The following ASTN2 variants were observed in gnomAD, a reference collection of about 807,000 sequenced individuals.
ASTN2 encodes astrotactin-2.
ASTN2 carries 54 observed loss-of-function variants against 139.8 expected under a neutral mutation model. The ratio of observed to expected loss-of-function variants is 0.39; its 90% CI spans 0.31 to 0.48. The LOEUF is 0.48. ASTN2 is among the 20% of genes least tolerant of loss of function. The pLI is 0.95. For missense variants in ASTN2, 1,565 were observed against 1,725.1 expected (o/e 0.91, Z 1.64); for synonymous variants, 756 against 719.5 (o/e 1.05, Z -0.81).
At chr9:116,515,606 T>C (rs1289702856) in intron 19 of ASTN2, among the ~76,000 whole-genome samples, 1 of 152,204 alleles carries the variant, frequency 6.6e-6, no homozygotes, top group African/African-American at 2.4e-5. Flanking sequence ...GGATACACTC[T>C]ACTTTTGGAC....
chr9:117,277,179 C>CAGT (rs1200264756), intron 2 of ASTN2: 1 of 152,198 alleles, frequency 6.6e-6, no homozygotes, highest in Non-Finnish European at 1.5e-5. Flanking sequence ...CAAGGGCATA[C>CAGT]AGTAGCTGCA....
At chr9:117,111,260 G>A (rs1829241547) in intron 4 of ASTN2, among the ~76,000 whole-genome samples, 1 of 152,206 alleles carries the variant, frequency 6.6e-6, no homozygotes, top group Non-Finnish European at 1.5e-5. Context: ...CCAACTCTAA[G>A]ATGACCCAGA....
Position 116,552,200 on chromosome 9 carries a change from G to A in ASTN2, c.3356-64700C>T, listed in dbSNP as rs140828411. 6 of 152,312 alleles carry A rather than the reference G, an allele frequency of 3.9e-5. No homozygotes were observed. The East Asian group carries it at 9.7e-4, about 25-fold the overall frequency. The allele number at this position is 152,312 out of a possible 1,614,324, so 9.4% of individuals were successfully genotyped here. Reference sequence around the variant, plus strand: ...TTCATGGGATGTGTGAAAGCACAGAGAGGTGAGTAAGGTGTTTTTTTAGTT... The same window carrying A: ...TTCATGGGATGTGTGAAAGCACAGAAAGGTGAGTAAGGTGTTTTTTTAGTT... On this transcript the variant is annotated intron_variant, in intron 19 of 22. Coordinates refer to ENST00000313400, the MANE Select transcript of ASTN2 (RefSeq NM_001365068.1).
At chr9:117,240,037 C>T (rs1833160806) in intron 2 of ASTN2, among the ~76,000 whole-genome samples, 1 of 152,110 alleles carries the variant, frequency 6.6e-6, no homozygotes, top group Non-Finnish European at 1.5e-5. Context: ...ATTCATTACC[C>T]CAATAAAGCC....
intron 19 of ASTN2, among the ~76,000 whole-genome samples, chr9:116,533,733 C>T (rs922809437): frequency 1.3e-5 from 2 of 152,098 alleles, no homozygotes; most frequent in Non-Finnish European, 2.9e-5. Context: ...GGTGGATAAG[C>T]TTTTTGATGT....
chr9:116,698,878 T>G lies in ASTN2; in HGVS notation c.2806+26893A>C, dbSNP rs922830234. ...TTCAATCTTCCAGTCAGTCTCTACG[T>G]GACCAGTCAAGGTGAAGTACTAGTC... On this transcript the variant is annotated intron_variant, in intron 16 of 22. Transcript: ENST00000313400. This position sits in a 1 kb window ranked among gnomAD's most constrained non-coding sequence, Gnocchi z 4.4. 6 of 1,614,120 alleles carry G rather than the reference T, an allele frequency of 3.7e-6. No individual in the cohort carries two copies. Among genetic ancestry groups the G allele is most frequent in the Non-Finnish European group, 5.1e-6 (6 of 1,180,058 alleles).
chr9:117,202,664 C>G (rs1285529342), intron 3 of ASTN2, among the ~76,000 whole-genome samples: 1 of 152,166 alleles, frequency 6.6e-6, no homozygotes, highest in Admixed American at 6.5e-5. Context: ...TATTGGCCCC[C>G]AATCTCTTCT....
intron 4 of ASTN2, among the ~76,000 whole-genome samples, chr9:117,103,512 C>T (rs1829031854): frequency 6.6e-6 from 1 of 152,094 alleles, no homozygotes. Flanking sequence ...AAGGTCTTTC[C>T]TGGGCCTATG....
chr9:117,394,269 C>A (rs7873200), intron 1 of ASTN2, among the ~76,000 whole-genome samples: 1 of 152,188 alleles, frequency 6.6e-6, no homozygotes, highest in South Asian at 2.1e-4. Context: ...TTCTGCAATA[C>A]TGGACACGTT....
At chr9:117,231,362 C>A (rs1352369357) in intron 2 of ASTN2, among the ~76,000 whole-genome samples, 2 of 152,158 alleles carry the variant, frequency 1.3e-5, no homozygotes, top group African/African-American at 4.8e-5. Flanking sequence ...TTGTGTATGC[C>A]AATGTAGCTT....
chr9:116,897,247 C>T (rs1833900642), intron 10 of ASTN2, among the ~76,000 whole-genome samples: 1 of 152,190 alleles, frequency 6.6e-6, no homozygotes, highest in Non-Finnish European at 1.5e-5. Flanking sequence ...CGAAGGACTG[C>T]AAGATCAAGC....
At chr9:116,635,211 G>C (rs955231087) in intron 17 of ASTN2, among the ~76,000 whole-genome samples, 1 of 152,106 alleles carries the variant, frequency 6.6e-6, no homozygotes, top group African/African-American at 2.4e-5. Context: ...ATAACATTCA[G>C]AGCCACCCTA....
chr9:116,761,812 G>A (rs562696887), intron 13 of ASTN2, among the ~76,000 whole-genome samples: 2 of 152,256 alleles, frequency 1.3e-5, no homozygotes, highest in South Asian at 4.2e-4. Context: ...GATCTAATGA[G>A]ACCTGCATGT....
chr9:116,819,691 T>C (rs979759309), intron 12 of ASTN2, among the ~76,000 whole-genome samples: 1 of 152,212 alleles, frequency 6.6e-6, no homozygotes, highest in Non-Finnish European at 1.5e-5. Context: ...CTTCCATGAG[T>C]ACAAGATTAT....
intron 1 of ASTN2, among the ~76,000 whole-genome samples, chr9:117,323,246 A>G (rs1458202496): frequency 6.6e-6 from 1 of 152,120 alleles, no homozygotes; most frequent in African/African-American, 2.4e-5. Context: ...TGTCTGCATT[A>G]AACTGATCTG....
intron 2 of ASTN2, among the ~76,000 whole-genome samples, chr9:117,237,761 G>T (rs911703738): frequency 6.6e-6 from 1 of 152,190 alleles, no homozygotes; most frequent in African/African-American, 2.4e-5. Context: ...TTACAGGCAT[G>T]AGCCACCACA....
intron 2 of ASTN2, among the ~76,000 whole-genome samples, chr9:117,276,768 A>G (rs1005317032): frequency 2.0e-5 from 3 of 152,172 alleles, no homozygotes; most frequent in African/African-American, 7.2e-5. Flanking sequence ...TTTGCTGCCA[A>G]CAGAGCAAAC....
intron 3 of ASTN2, among the ~76,000 whole-genome samples, chr9:117,179,370 C>T (rs1402414132): frequency 6.6e-6 from 1 of 152,074 alleles, no homozygotes; most frequent in Non-Finnish European, 1.5e-5. Flanking sequence ...TATATATCCA[C>T]ATATCTTCTA....
chr9:116,794,388 G>A (rs1412205027), intron 13 of ASTN2, among the ~76,000 whole-genome samples: 2 of 152,066 alleles, frequency 1.3e-5, no homozygotes, highest in Admixed American at 6.5e-5. Context: ...GTGAGCCACC[G>A]AGCCGGGCCA....
Sources: allele counts gnomAD v4.1 joint callset (sites outside exome capture counted in the v4.1 genomes callset), GRCh38; gene constraint gnomAD v4.1.1; non-coding constraint Gnocchi (gnomAD v3.1); transcripts MANE v1.5; gene names NCBI Gene and HGNC (gene_info 2026-07-23, HGNC 2026-07-21).